Variants in SDK1 observed in about 807,000 individuals in gnomAD.
SDK1 encodes the protein protein sidekick-1.
A neutral mutation model predicts 245.5 loss-of-function variants in SDK1; 157 were observed. That is an observed-to-expected ratio of 0.64 (90% CI 0.56 to 0.73). The LOEUF (loss-of-function observed/expected upper bound fraction) is 0.73, where lower values mean the gene tolerates loss of function less well. Ranked by LOEUF, SDK1 falls within the 30% of genes least tolerant of loss-of-function variation. The pLI, the probability that SDK1 is intolerant of heterozygous loss-of-function variation, is 0.00. For missense variants in SDK1, 3,583 were observed against 3,002.3 expected (o/e 1.19, Z -4.52); for synonymous variants, 1,647 against 1,278.5 (o/e 1.29, Z -6.15).
At chr7:3,553,591 T>A (rs989598665) in intron 1 of SDK1, among the ~76,000 whole-genome samples, 3 of 152,134 alleles carry the variant, frequency 2.0e-5, no homozygotes, top group African/African-American at 7.2e-5. Flanking sequence ...CTGCTTCCTT[T>A]TTTTATTCAA....
chr7:3,321,980 G>T (rs1161501766), intron 1 of SDK1, among the ~76,000 whole-genome samples: 1 of 149,918 alleles, frequency 6.7e-6, no homozygotes, highest in Non-Finnish European at 1.5e-5. Context: ...CCCTCTACAG[G>T]TCATCATTTT....
intron 35 of SDK1, among the ~76,000 whole-genome samples, chr7:4,200,482 G>A (rs4723455): frequency 6.6e-6 from 1 of 152,128 alleles, no homozygotes; most frequent in Non-Finnish European, 1.5e-5. Context: ...CTGCCTCAGG[G>A]TCTCTGGGAC....
At chr7:3,446,982 C>T (rs185261751) in intron 1 of SDK1, among the ~76,000 whole-genome samples, 28 of 152,154 alleles carry the variant, frequency 1.8e-4, no homozygotes, top group African/African-American at 2.6e-4. Context: ...TCTGGAGATA[C>T]GATGAAGCAA....
chr7:3,680,133 G>T (rs758749449), intron 4 of SDK1, among the ~76,000 whole-genome samples: 1 of 152,178 alleles, frequency 6.6e-6, no homozygotes, highest in Non-Finnish European at 1.5e-5. Context: ...AATGAACCAG[G>T]CAACGACTTG....
intron 1 of SDK1, among the ~76,000 whole-genome samples, chr7:3,417,840 G>A (rs1436684526): frequency 1.3e-5 from 2 of 152,142 alleles, no homozygotes; most frequent in Non-Finnish European, 2.9e-5. Context: ...AAAGGCTTCT[G>A]TCCAGTTGGC....
intron 1 of SDK1, among the ~76,000 whole-genome samples, chr7:3,346,344 C>T (rs1562429571): frequency 6.6e-6 from 1 of 151,996 alleles, no homozygotes; most frequent in Non-Finnish European, 1.5e-5. Flanking sequence ...TCCTGTGAGC[C>T]TCCGTGCAAG....
chr7:3,361,256 G>A (rs1202510234), intron 1 of SDK1, among the ~76,000 whole-genome samples: 1 of 152,162 alleles, frequency 6.6e-6, no homozygotes, highest in Non-Finnish European at 1.5e-5. Context: ...GAGTGAGACC[G>A]TGTCCCTTAA....
intron 1 of SDK1, among the ~76,000 whole-genome samples, chr7:3,406,101 C>G (rs1253965925): frequency 2.6e-5 from 4 of 152,094 alleles, no homozygotes; most frequent in Admixed American, 1.3e-4. Context: ...GCGTGAGCCA[C>G]CGCTCCTCGT....
intron 42 of SDK1, among the ~76,000 whole-genome samples, chr7:4,239,060 C>T (rs1786364334): frequency 6.6e-6 from 1 of 152,174 alleles, no homozygotes; most frequent in African/African-American, 2.4e-5. Context: ...TAGCTCTGAG[C>T]CGTCTGAGGG....
At chr7:3,611,330 C>T (rs993805042) in intron 1 of SDK1, among the ~76,000 whole-genome samples, 1 of 152,006 alleles carries the variant, frequency 6.6e-6, no homozygotes. Flanking sequence ...TAGTATGTAC[C>T]ATTCGTTTAT....
At chr7:3,675,090 C>T (rs571657455) in intron 4 of SDK1, among the ~76,000 whole-genome samples, 25 of 152,318 alleles carry the variant, frequency 1.6e-4, no homozygotes, top group African/African-American at 3.6e-4. Flanking sequence ...GCCATCTCCA[C>T]GTGTGAATCT....
At chr7:3,427,569 C>A (rs575656330) in intron 1 of SDK1, among the ~76,000 whole-genome samples, 20 of 150,550 alleles carry the variant, frequency 1.3e-4, no homozygotes, top group Non-Finnish European at 1.9e-4. Context: ...AAAAACTTAT[C>A]AGGAGTAGTT....
chr7:3,549,476 A>C (rs557330615), intron 1 of SDK1, among the ~76,000 whole-genome samples: 1 of 152,358 alleles, frequency 6.6e-6, no homozygotes. Context: ...AAGGAAAATA[A>C]AAGTAAGTTC....
chr7:3,709,903 G>A (rs1477277947), intron 4 of SDK1, among the ~76,000 whole-genome samples: 1 of 152,120 alleles, frequency 6.6e-6, no homozygotes, highest in Non-Finnish European at 1.5e-5. Context: ...CTGCAAGATG[G>A]GCTTTGTGTG....
intron 17 of SDK1, among the ~76,000 whole-genome samples, chr7:4,019,180 G>C (rs1786667009): frequency 6.6e-6 from 1 of 152,162 alleles, no homozygotes; most frequent in African/African-American, 2.4e-5. Flanking sequence ...CTTCCTCAAA[G>C]TGCAGACAGT....
At chr7:3,735,426 CT>C (rs1368860423) in intron 4 of SDK1, among the ~76,000 whole-genome samples, 1 of 152,166 alleles carries the variant, frequency 6.6e-6, no homozygotes, top group African/African-American at 2.4e-5. Context: ...AGTATTTTGA[CT>C]TTGTGTGACA....
chr7:3,416,788 C>T (rs147633669), intron 1 of SDK1, among the ~76,000 whole-genome samples: 85 of 152,212 alleles, frequency 5.6e-4, no homozygotes, highest in Admixed American at 4.6e-3. Flanking sequence ...CGAATAAAGC[C>T]CATGTTCTGA....
At position 3,828,660 on chromosome 7, in the gene SDK1, T is replaced by G. The variant is rs566604419; in HGVS notation, c.847+7077T>G. Among the ~76,000 whole-genome samples, 134 of 30,922 alleles carry G rather than the reference T, an allele frequency of 4.3e-3. 2 individuals are homozygous for G. The highest frequency in any genetic ancestry group is 0.025 in the South Asian group (14 of 558). The allele number at this position is 30,922 out of a possible 152,430, so 20.3% of individuals were successfully genotyped here. On this transcript the variant is annotated intron_variant, in intron 5 of 44. Coordinates refer to ENST00000404826, the MANE Select transcript of SDK1 (RefSeq NM_152744.4). ...AAGAATTTTTTGTTCTTTTTTTTTT[T>G]TTTTTGTTTTTTTGACACAAGGACT...
rs531023498 is a variant in SDK1, at chr7:4,268,688, C to A, written c.*3304C>A. 7.3e-7 allele frequency: 1 copy of A among 1,367,836 alleles called. No individual in the cohort carries two copies. The highest frequency in any genetic ancestry group is 4.6e-5 in the East Asian group (1 of 21,978). 84.7% of individuals were successfully genotyped at this position (1,367,836 alleles called of 1,614,324 possible). A position where few individuals can be genotyped will look rare whatever the true frequency, so the allele number is the denominator to read the frequency against. ...ATTCTTGGCACACAGTGTAGCTATC[C>A]TCCTGACGAGCAACCCGTCTGCGTA... On this transcript the variant is annotated 3_prime_UTR_variant, in exon 45 of 45. Coordinates refer to ENST00000404826, the MANE Select transcript of SDK1 (RefSeq NM_152744.4).
Sources: allele counts gnomAD v4.1 joint callset (sites outside exome capture counted in the v4.1 genomes callset), GRCh38; gene constraint gnomAD v4.1.1; transcripts MANE v1.5; gene names NCBI Gene and HGNC (gene_info 2026-07-23, HGNC 2026-07-21).